The following SLC24A3 variants were observed in gnomAD, a reference collection of about 807,000 sequenced individuals.
SLC24A3 encodes the protein sodium/potassium/calcium exchanger 3.
Under a neutral mutation model 75.8 loss-of-function variants are expected in SLC24A3, and 28 were observed. The observed-to-expected ratio is 0.37, with a 90% CI of 0.27 to 0.51. The LOEUF (loss-of-function observed/expected upper bound fraction) is 0.51, where lower values mean the gene tolerates loss of function less well. SLC24A3 is among the 20% of genes least tolerant of loss of function. The pLI is 0.94. For missense variants in SLC24A3, 663 were observed against 847.8 expected (o/e 0.78, Z 2.71); for synonymous variants, 372 against 334.1 (o/e 1.11, Z -1.24).
chr20:19,515,666 C>A, intron 3 of SLC24A3, 102 bp downstream of exon 3: 2 of 1,167,838 alleles, frequency 1.7e-6, no homozygotes, highest in Admixed American at 1.9e-5. Flanking sequence ...CTCTGCCCTC[C>A]TGTTCCCACG....
chr20:19,579,924 C>T, intron 3 of SLC24A3, 76 bp from the exon 4 acceptor site: 1 of 1,078,952 alleles, frequency 9.3e-7, no homozygotes, highest in East Asian at 2.4e-5. Context: ...ATTATCAAAG[C>T]AGAAGGTGGC....
chr20:19,540,094 G>A (rs922216158), intron 3 of SLC24A3, among the ~76,000 whole-genome samples: 2 of 152,172 alleles, frequency 1.3e-5, no homozygotes, highest in Non-Finnish European at 1.5e-5. Context: ...ATGGGAGACA[G>A]GAGGGCAGAA....
At chr20:19,581,575 G>T (rs538034181) in intron 4 of SLC24A3, among the ~76,000 whole-genome samples, 63 of 152,176 alleles carry the variant, frequency 4.1e-4, no homozygotes, top group African/African-American at 1.3e-3. Context: ...GTTTAAGGAG[G>T]GTGAGGTGTT....
chr20:19,330,866 C>T (rs539826560), intron 2 of SLC24A3, among the ~76,000 whole-genome samples: 147 of 152,214 alleles, frequency 9.7e-4, no homozygotes, highest in South Asian at 4.1e-4. Flanking sequence ...GACCGATGGT[C>T]ATGGTGCCCT....
intron 1 of SLC24A3, among the ~76,000 whole-genome samples, chr20:19,239,643 T>A (rs910377530): frequency 2.7e-4 from 41 of 152,316 alleles, no homozygotes; most frequent in African/African-American, 9.9e-4. Flanking sequence ...CAATTGCATG[T>A]CTGCAGGGCC....
intron 1 of SLC24A3, among the ~76,000 whole-genome samples, chr20:19,238,619 T>C (rs1432332002): frequency 6.6e-6 from 1 of 152,180 alleles, no homozygotes; most frequent in Non-Finnish European, 1.5e-5. Flanking sequence ...AACTTCACAG[T>C]CACATTTATT....
At chr20:19,251,464 G>A (rs567086883) in intron 1 of SLC24A3, among the ~76,000 whole-genome samples, 11 of 152,298 alleles carry the variant, frequency 7.2e-5, no homozygotes, top group Admixed American at 1.3e-4. Context: ...GGTGCAAGGA[G>A]GTGACCTAAG....
rs1478717151 is a variant in SLC24A3, at chr20:19,662,829, A to G, written c.688-3035A>G. On this transcript the variant is annotated intron_variant, in intron 7 of 16. Coordinates refer to ENST00000328041, the MANE Select transcript of SLC24A3 (RefSeq NM_020689.4). ...TCCTAACCTTCAGCAAACTCAAGTG[A>G]AAGGAACCTCATCCTTGCCGTTTGT... is the stretch of plus-strand genomic sequence containing the variant. Among the ~76,000 whole-genome samples, 3 of 152,212 alleles carry G rather than the reference A, an allele frequency of 2.0e-5. No individual in the cohort carries two copies. The East Asian group carries it at 5.8e-4, about 29-fold the overall frequency.
intron 12 of SLC24A3, among the ~76,000 whole-genome samples, chr20:19,687,953 C>T (rs2032697385): frequency 6.6e-6 from 1 of 152,184 alleles, no homozygotes; most frequent in Admixed American, 6.5e-5. Context: ...CCAACAGATG[C>T]TTCACCTGAG....
At chr20:19,464,222 C>T (rs1214868516) in intron 2 of SLC24A3, among the ~76,000 whole-genome samples, 1 of 152,218 alleles carries the variant, frequency 6.6e-6, no homozygotes, top group East Asian at 1.9e-4. Context: ...GTGTCTGGCT[C>T]AGCCACTCCT....
At chr20:19,289,351 C>T (rs776119199) in intron 2 of SLC24A3, among the ~76,000 whole-genome samples, 1 of 152,226 alleles carries the variant, frequency 6.6e-6, no homozygotes, top group Non-Finnish European at 1.5e-5. Flanking sequence ...GGTCTCCAGA[C>T]CACATGTCTA....
intron 1 of SLC24A3, among the ~76,000 whole-genome samples, chr20:19,275,164 C>T (rs1308795326): frequency 1.3e-5 from 2 of 152,150 alleles, no homozygotes; most frequent in Non-Finnish European, 2.9e-5. Context: ...TACGTCCTCT[C>T]AAAAGGAGCT....
chr20:19,482,729 C>T (rs1187133614), intron 2 of SLC24A3, among the ~76,000 whole-genome samples: 1 of 152,168 alleles, frequency 6.6e-6, no homozygotes, highest in Admixed American at 6.5e-5. Context: ...AGAACCTATA[C>T]CTTGCTGAAA....
intron 2 of SLC24A3, among the ~76,000 whole-genome samples, chr20:19,436,581 G>T (rs1489212356): frequency 6.6e-6 from 1 of 152,130 alleles, no homozygotes; most frequent in East Asian, 1.9e-4. Context: ...AGGTCTTCTG[G>T]CTGCCTCTCT....
At chr20:19,335,541 G>C (rs1354733394) in intron 2 of SLC24A3, among the ~76,000 whole-genome samples, 1 of 152,136 alleles carries the variant, frequency 6.6e-6, no homozygotes, top group Non-Finnish European at 1.5e-5. Context: ...CCAGATAAAG[G>C]CTGCTCAGGT....
chr20:19,409,064 G>A (rs1047626219), intron 2 of SLC24A3, among the ~76,000 whole-genome samples: 5 of 152,154 alleles, frequency 3.3e-5, no homozygotes, highest in African/African-American at 7.2e-5. Context: ...GGAGAGTTCC[G>A]TGAAGAGCTC....
intron 12 of SLC24A3, among the ~76,000 whole-genome samples, chr20:19,687,675 A>G (rs961839076): frequency 2.0e-5 from 3 of 152,180 alleles, no homozygotes; most frequent in East Asian, 3.9e-4. Context: ...CCAGGGGACA[A>G]TGAAAGATGT....
chr20:19,504,157 T>G (rs1027294286), intron 2 of SLC24A3, among the ~76,000 whole-genome samples: 1 of 152,148 alleles, frequency 6.6e-6, no homozygotes, highest in Non-Finnish European at 1.5e-5. Flanking sequence ...TGAGACTAAT[T>G]TTCTATCCTT....
chr20:19,711,658 T>TTC (rs929971720), intron 15 of SLC24A3, among the ~76,000 whole-genome samples: 36 of 151,404 alleles, frequency 2.4e-4, no homozygotes, highest in Admixed American at 1.2e-3. Flanking sequence ...TTTTTTTTTT[T>TTC]CGACAAGAGT....
Sources: allele counts gnomAD v4.1 joint callset (sites outside exome capture counted in the v4.1 genomes callset), GRCh38; gene constraint gnomAD v4.1.1; transcripts MANE v1.5; gene names NCBI Gene and HGNC (gene_info 2026-07-23, HGNC 2026-07-21).